ERCC3: variants seen among roughly 807,000 people sequenced by gnomAD.
The protein encoded by ERCC3 is ERCC excision repair 3, TFIIH core complex helicase subunit.
In ERCC3, 66 loss-of-function variants were observed where a neutral mutation model predicts 94.2. The observed-to-expected ratio is 0.70, with a 90% CI of 0.57 to 0.86. The LOEUF (loss-of-function observed/expected upper bound fraction) is 0.86. Among genes scored for constraint, ERCC3 ranks in the 40% least tolerant of loss-of-function variants. The pLI is 0.00. For missense variants in ERCC3, 829 were observed against 987.1 expected, an observed-to-expected ratio of 0.84 and a Z score of 2.15; for synonymous variants, 349 against 369.1, an observed-to-expected ratio of 0.95 and a Z score of 0.63.
chr2:127,280,732 GC>G lies in ERCC3; in HGVS notation c.1343-102del. The G allele has an allele frequency of 8.9e-7, 1 of 1,119,416 alleles. No individual in the cohort carries two copies. The highest frequency in any genetic ancestry group is 1.3e-6 in the Non-Finnish European group (1 of 765,854). 69.3% of individuals were successfully genotyped at this position (1,119,416 alleles called of 1,614,324 possible). Reference sequence around the variant, plus strand: ...TGTAGAGATGGGGTCTCATTATATTGCCCAGGCTGGTCTTGAACTCCTGGCC... The same window carrying G: ...TGTAGAGATGGGGTCTCATTATATTGCCAGGCTGGTCTTGAACTCCTGGCC... On this transcript the variant is annotated intron_variant, in intron 8 of 14. Transcript: ENST00000285398. This position sits in a 1 kb window ranked among gnomAD's most constrained non-coding sequence, Gnocchi z 6.3.
intron 11 of ERCC3, 56 bp downstream of exon 11, chr2:127,272,809 C>T (rs55790121): frequency 1.9e-6 from 2 of 1,043,672 alleles, no homozygotes; most frequent in African/African-American, 3.1e-5. Context: ...CATAGTGTAC[C>T]CCCCAGGTCC....
rs896027210 is a variant in ERCC3 at position 127,291,464 on chromosome 2, T to C, written c.471+1146A>G. 6.6e-6 allele frequency among the ~76,000 whole-genome samples: 1 copy of C among 152,184 alleles called. No individual in the cohort carries two copies. Among genetic ancestry groups the C allele is most frequent in the African/African-American group, 2.4e-5 (1 of 41,430 alleles). Reference sequence around the variant, plus strand: ...TAGTAGAGACAGGAATTTCGCCATGTTGGCCAGGCTGGTCTTGAACTCCTG... The same window carrying C: ...TAGTAGAGACAGGAATTTCGCCATGCTGGCCAGGCTGGTCTTGAACTCCTG... On this transcript the variant is annotated intron_variant, in intron 3 of 14. Transcript: ENST00000285398. This position sits in a 1 kb window ranked among gnomAD's most constrained non-coding sequence, Gnocchi z 4.9.
Position 127,294,098 on chromosome 2 carries a change from G to A in ERCC3, c.-17C>T. 1.9e-6 allele frequency: 3 copies of A among 1,606,598 alleles called. No individual in the cohort carries two copies. The highest frequency in any genetic ancestry group is 2.5e-6 in the Non-Finnish European group (3 of 1,179,392). On this transcript the variant is annotated 5_prime_UTR_variant, in exon 1 of 15. Coordinates refer to ENST00000285398, the MANE Select transcript of ERCC3 (RefSeq NM_000122.2). ...TTTGCCCATGGCAGCTACAGCAGCAGAGAGAAGATGACCCCGCTCCCACAG... is the reference window on the plus strand; with the variant it reads ...TTTGCCCATGGCAGCTACAGCAGCAAAGAGAAGATGACCCCGCTCCCACAG...
At position 127,271,306 on chromosome 2, in the gene ERCC3, C is replaced by T; in HGVS notation, c.1945+30G>A. ...TAAAGTGGTTTAAGAGGAGTGACCT[C>T]CTGCAACAGAAGATGAAAGGCCACT... is the stretch of plus-strand genomic sequence containing the variant. On this transcript the variant is annotated intron_variant, in intron 12 of 14. Coordinates refer to ENST00000285398, the MANE Select transcript of ERCC3 (RefSeq NM_000122.2). The surrounding 1 kb of genome is among the most constrained non-coding windows in gnomAD (Gnocchi z 5.0). The T allele has an allele frequency of 1.4e-5, 21 of 1,472,692 alleles. No individual in the cohort carries two copies. Among genetic ancestry groups the T allele is most frequent in the Non-Finnish European group, 2.0e-5 (21 of 1,050,906 alleles). 91.2% of individuals were successfully genotyped at this position (1,472,692 alleles called of 1,614,324 possible).
intron 13 of ERCC3, chr2:127,260,830 A>G (rs1684168810): frequency 4.6e-6 from 1 of 215,416 alleles, no homozygotes; most frequent in African/African-American, 2.3e-5. Flanking sequence ...AAGCTTTAGA[A>G]TTTCCCAATT....
intron 6 of ERCC3, 73 bp from the exon 7 acceptor site, chr2:127,288,937 C>A (rs1685172309): frequency 8.3e-7 from 1 of 1,199,620 alleles, no homozygotes; most frequent in South Asian, 1.2e-5. Context: ...TCTAAGAGGT[C>A]CAATGGTCAA....
At position 127,259,786 on chromosome 2, in the gene ERCC3, GCAGA is replaced by G. The variant is rs1460709399; in HGVS notation, c.2065-342_2065-339del. 2.7e-5 allele frequency: 10 copies of G among 374,898 alleles called. No individual in the cohort carries two copies. Among genetic ancestry groups the G allele is most frequent in the Non-Finnish European group, 5.1e-5 (10 of 194,684 alleles). The allele number at this position is 374,898 out of a possible 1,614,324, so 23.2% of individuals were successfully genotyped here. Reference sequence around the variant, plus strand: ...CTTCGGGTAGCCTTCACATCTTGGAGCAGACAAAGGAAGGGACAAGTGACTGGAA... The same window carrying G: ...CTTCGGGTAGCCTTCACATCTTGGAGCAAAGGAAGGGACAAGTGACTGGAA... On this transcript the variant is annotated intron_variant, in intron 13 of 14. Coordinates refer to ENST00000285398, the MANE Select transcript of ERCC3 (RefSeq NM_000122.2). This position sits in a 1 kb window ranked among gnomAD's most constrained non-coding sequence, Gnocchi z 4.9.
At chr2:127,290,995 C>G (rs1343958696) in intron 3 of ERCC3, 1 of 152,650 alleles carries the variant, frequency 6.6e-6, no homozygotes, top group Non-Finnish European at 1.5e-5. Context: ...GGCAGGAGAA[C>G]TGCTTGAGCC....
chr2:127,262,126 G>A (rs1021443885), intron 12 of ERCC3: 1 of 152,390 alleles, frequency 6.6e-6, no homozygotes, highest in Non-Finnish European at 1.5e-5. Flanking sequence ...TATGTCCATG[G>A]AATCGAATAT....
intron 10 of ERCC3, among the ~76,000 whole-genome samples, chr2:127,278,180 G>A (rs987297362): frequency 6.6e-6 from 1 of 151,380 alleles, no homozygotes; most frequent in African/African-American, 2.4e-5. Flanking sequence ...CAAGGCTGCC[G>A]TGAGCCGTGA....
intron 12 of ERCC3, among the ~76,000 whole-genome samples, chr2:127,269,188 TG>T (rs1300861197): frequency 3.3e-5 from 5 of 152,162 alleles, no homozygotes; most frequent in African/African-American, 9.7e-5. Context: ...ATTGCAGATA[TG>T]GGGGGACTAC....
Position 127,292,762 on chromosome 2 carries a change from C to T in ERCC3, c.319G>A (p.Val107Met). 2 of 1,613,954 alleles carry T rather than the reference C, an allele frequency of 1.2e-6. No individual in the cohort carries two copies. The highest frequency in any genetic ancestry group is 1.7e-6 in the Non-Finnish European group (2 of 1,179,976). ...QDFLVAIAEPVCRPTHVHEYK... is the reference protein window; with the variant it reads ...QDFLVAIAEPMCRPTHVHEYK... Reference sequence around the variant, plus strand: ...TCATGCACATGGGTTGGTCGGCACACTGGCTCTGCAATAGCCACCAAGAAG... The same window carrying T: ...TCATGCACATGGGTTGGTCGGCACATTGGCTCTGCAATAGCCACCAAGAAG... The change falls in exon 3 of 15, where the codon GTG becomes ATG. Residue 107 changes from valine (V) to methionine (M), a missense_variant. By Grantham distance (21) the Val-to-Met change is conservative. Coordinates refer to ENST00000285398, the MANE Select transcript of ERCC3 (RefSeq NM_000122.2).
At position 127,257,500 on chromosome 2, in the gene ERCC3, G is replaced by A; in HGVS notation, c.*96C>T. Reference sequence around the variant, plus strand: ...AGCACAATTTGGCCAACGCTGGAGGGAAGGTCAAAGAGGTGGAAGGAAAAT... The same window carrying A: ...AGCACAATTTGGCCAACGCTGGAGGAAAGGTCAAAGAGGTGGAAGGAAAAT... On this transcript the variant is annotated 3_prime_UTR_variant, in exon 15 of 15. Coordinates refer to ENST00000285398, the MANE Select transcript of ERCC3 (RefSeq NM_000122.2). The surrounding 1 kb of genome is among the most constrained non-coding windows in gnomAD (Gnocchi z 5.4). 2 of 1,518,344 alleles carry A rather than the reference G, an allele frequency of 1.3e-6. No homozygotes were observed. Among genetic ancestry groups the A allele is most frequent in the Non-Finnish European group, 1.8e-6 (2 of 1,095,126 alleles). 94.1% of individuals were successfully genotyped at this position (1,518,344 alleles called of 1,614,324 possible).
Position 127,289,788 on chromosome 2 carries a change from C to G in ERCC3, c.558G>C (p.Gln186His), listed in dbSNP as rs1183082780. The G allele has an allele frequency of 1.9e-6, 3 of 1,614,074 alleles. No homozygotes were observed. Among genetic ancestry groups the G allele is most frequent in the Non-Finnish European group, 2.5e-6 (3 of 1,180,010 alleles). The change falls in exon 5 of 15, where the codon CAG becomes CAC. Residue 186 changes from glutamine to histidine, a missense_variant. Physicochemically the swap from Gln to His is conservative, Grantham distance 24. Transcript: ENST00000285398. ...FVESCHPDVI[Q>H]HLLQDPVIRE... ...GGATCACGGGGTCCTGGAGAAGATGCTGGATTACATCAGGGTGGCAACTTT... is the reference window on the plus strand; with the variant it reads ...GGATCACGGGGTCCTGGAGAAGATGGTGGATTACATCAGGGTGGCAACTTT...
At position 127,280,036 on chromosome 2, in the gene ERCC3, C is replaced by T. The variant is rs1684859079; in HGVS notation, c.1527+411G>A. On this transcript the variant is annotated intron_variant, in intron 9 of 14. Transcript: ENST00000285398. This position sits in a 1 kb window ranked among gnomAD's most constrained non-coding sequence, Gnocchi z 6.3. ...CTGCTACTGAGTACCGCCACCTCTT[C>T]ACACACTTCCCAGCAGGGCTGGGAG... is the stretch of plus-strand genomic sequence containing the variant. 6.6e-6 allele frequency among the ~76,000 whole-genome samples: 1 copy of T among 152,204 alleles called. No homozygotes were observed. Among genetic ancestry groups the T allele is most frequent in the Non-Finnish European group, 1.5e-5 (1 of 68,046 alleles).
chr2:127,257,445 G>C lies in ERCC3; in HGVS notation c.*151C>G. 2.1e-6 allele frequency: 2 copies of C among 961,768 alleles called. No homozygotes were observed. Among genetic ancestry groups the C allele is most frequent in the South Asian group, 2.6e-5 (2 of 76,920 alleles). 59.6% of individuals were successfully genotyped at this position (961,768 alleles called of 1,614,324 possible). ...ATAAAACCCTAGATGACCTATGAAGGCACAGCCAAGCCCTTGATGCATCTT... is the reference window on the plus strand; with the variant it reads ...ATAAAACCCTAGATGACCTATGAAGCCACAGCCAAGCCCTTGATGCATCTT... On this transcript the variant is annotated 3_prime_UTR_variant, in exon 15 of 15. Transcript: ENST00000285398. The surrounding 1 kb of genome is among the most constrained non-coding windows in gnomAD (Gnocchi z 5.4).
At chr2:127,266,701 GATCA>G (rs1477221238) in intron 12 of ERCC3, among the ~76,000 whole-genome samples, 66 of 142,774 alleles carry the variant, frequency 4.6e-4, no homozygotes, top group East Asian at 2.1e-3. Context: ...CCAAACACAT[GATCA>G]ATTATTTTTT....
intron 13 of ERCC3, chr2:127,260,653 T>C (rs1684164632): frequency 6.3e-6 from 1 of 158,730 alleles, no homozygotes; most frequent in Non-Finnish European, 1.4e-5. Context: ...TCTAATGTTC[T>C]AGGGATGTCC....
rs375848554 is a variant in ERCC3 at position 127,261,330 on chromosome 2, C to G, written c.1962G>C (p.Glu654Asp). Reference sequence around the variant, plus strand: ...CCAGTGAGTAGAAAAAGGCATTGTACTCTTCTGCAACCATCCCTGCAGGAA... The same window carrying G: ...CCAGTGAGTAGAAAAAGGCATTGTAGTCTTCTGCAACCATCCCTGCAGGAA... ...LRAKKGMVAEEYNAFFYSLVS... is the reference protein window; with the variant it reads ...LRAKKGMVAEDYNAFFYSLVS... Residue 654 changes from glutamate (E) to aspartate (D), a missense_variant, in exon 13 of 15, where the codon GAG becomes GAC. By Grantham distance (45) the Glu-to-Asp change is conservative. Coordinates refer to ENST00000285398, the MANE Select transcript of ERCC3 (RefSeq NM_000122.2). 2.1e-5 allele frequency: 33 copies of G among 1,606,456 alleles called. No homozygotes were observed. The highest frequency in any genetic ancestry group is 2.7e-5 in the Non-Finnish European group (32 of 1,173,140).
Sources: allele counts gnomAD v4.1 joint callset (sites outside exome capture counted in the v4.1 genomes callset), GRCh38; gene constraint gnomAD v4.1.1; non-coding constraint Gnocchi (gnomAD v3.1); transcripts MANE v1.5; gene names NCBI Gene and HGNC (gene_info 2026-07-23, HGNC 2026-07-21).